The following NBN variants were observed in gnomAD, a reference collection of about 807,000 sequenced individuals.
The protein encoded by NBN is nibrin.
A neutral mutation model predicts 90.8 loss-of-function variants in NBN; 88 were observed. That is an observed-to-expected ratio of 0.97 (90% CI 0.82 to 1.16). The LOEUF (loss-of-function observed/expected upper bound fraction) is 1.16, where lower values mean the gene tolerates loss of function less well. NBN is among the 50% of genes most tolerant of loss of function. NBN has a pLI of 0.00. For missense variants in NBN, 894 were observed against 869.6 expected, an observed-to-expected ratio of 1.03 and a Z score of -0.35; for synonymous variants, 328 against 295.1, an observed-to-expected ratio of 1.11 and a Z score of -1.14.
chr8:89,971,048 A>T, intron 6 of NBN, 125 bp downstream of exon 6: 1 of 1,051,804 alleles, frequency 9.5e-7, no homozygotes, highest in Admixed American at 2.5e-5. Context: ...GGGTTTTTTT[A>T]TTCTACTTCA....
At chr8:89,983,802 C>G (rs915405165) in intron 1 of NBN, among the ~76,000 whole-genome samples, 2 of 152,044 alleles carry the variant, frequency 1.3e-5, no homozygotes, top group African/African-American at 4.8e-5. Flanking sequence ...AGAGCCAGGT[C>G]TCCAGGGACG....
chr8:89,934,770 C>G lies in NBN; in HGVS notation c.*812G>C, dbSNP rs1809587194. 4.3e-6 allele frequency: 1 copy of G among 232,972 alleles called. No homozygotes were observed. The highest frequency in any genetic ancestry group is 2.2e-5 in the African/African-American group (1 of 45,324). The allele number at this position is 232,972 out of a possible 1,614,324, so 14.4% of individuals were successfully genotyped here. A position where few individuals can be genotyped will look rare whatever the true frequency, so the allele number is the denominator to read the frequency against. ...GAAAAAAGACATTCATTGTTTCTTA[C>G]CATCTCCCTTTAAGGTAGAAAAAGA... On this transcript the variant is annotated 3_prime_UTR_variant, in exon 16 of 16. Coordinates refer to ENST00000265433, the MANE Select transcript of NBN (RefSeq NM_002485.5).
At position 89,968,837 on chromosome 8, in the gene NBN, GT is replaced by G. The variant is rs1811371198; in HGVS notation, c.896+1526del. ...TGATGGCAGGGACTGTGACTATCTTGTTTTTCATTATATTTCCAGTGCCTAA... is the reference window on the plus strand; with the variant it reads ...TGATGGCAGGGACTGTGACTATCTTGTTTTCATTATATTTCCAGTGCCTAA... On this transcript the variant is annotated intron_variant, in intron 7 of 15. Coordinates refer to ENST00000265433, the MANE Select transcript of NBN (RefSeq NM_002485.5). Among the ~76,000 whole-genome samples, 2 of 151,994 alleles carry G rather than the reference GT, an allele frequency of 1.3e-5. 1 individual carries two copies. The highest frequency in any genetic ancestry group is 4.1e-4 in the South Asian group (2 of 4,828).
intron 13 of NBN, among the ~76,000 whole-genome samples, chr8:89,944,911 T>A (rs1810121510): frequency 6.6e-6 from 1 of 152,164 alleles, no homozygotes; most frequent in African/African-American, 2.4e-5. Flanking sequence ...CTCAGACAAA[T>A]TCCTGCATTA....
intron 8 of NBN, among the ~76,000 whole-genome samples, chr8:89,959,570 C>A (rs13312900): frequency 0.012 from 1,775 of 151,778 alleles, 37 homozygotes; most frequent in African/African-American, 0.041. Flanking sequence ...CTGGGCAACA[C>A]TGGGAGACCC....
chr8:89,982,259 G>A lies in NBN; in HGVS notation c.171+463C>T, dbSNP rs1812105771. 7 of 236,578 alleles carry A rather than the reference G, an allele frequency of 3.0e-5. No individual in the cohort carries two copies. In the South Asian group the frequency reaches 3.2e-4, roughly 11 times the overall value. 14.7% of individuals were successfully genotyped at this position (236,578 alleles called of 1,614,324 possible). ...AAATCAATTCCCATTGCAAAAACTT[G>A]TATTATATGAGAAATGCCCGTTTCC... On this transcript the variant is annotated intron_variant, in intron 2 of 15. Transcript: ENST00000265433.
intron 5 of NBN, among the ~76,000 whole-genome samples, chr8:89,972,531 C>T (rs761861358): frequency 6.6e-6 from 1 of 152,160 alleles, no homozygotes; most frequent in Non-Finnish European, 1.5e-5. Context: ...ACTATTTTAA[C>T]TGTTAACAAA....
chr8:89,984,524 C>T lies in NBN; in HGVS notation c.37+1G>A, dbSNP rs574673404. ...CCCCGAGGCTTCCCTTCTGCCCTTACCTCCTGCCGGGCCCGCGGCGGGCAG... is the reference window on the plus strand; with the variant it reads ...CCCCGAGGCTTCCCTTCTGCCCTTATCTCCTGCCGGGCCCGCGGCGGGCAG... On this transcript the variant is annotated splice_donor_variant, in intron 1 of 15. Transcript: ENST00000265433. LOFTEE classifies it high-confidence loss of function. The T allele has an allele frequency of 3.1e-6, 5 of 1,612,984 alleles. No individual in the cohort carries two copies. Among genetic ancestry groups the T allele is most frequent in the African/African-American group, 1.3e-5 (1 of 75,042 alleles).
chr8:89,939,494 C>A (rs887088965), intron 14 of NBN, among the ~76,000 whole-genome samples: 1 of 151,676 alleles, frequency 6.6e-6, no homozygotes, highest in Non-Finnish European at 1.5e-5. Flanking sequence ...ATTCTCTCAA[C>A]TTCTCCCATC....
In NBN at chr8:89,933,718, T is replaced by C; in HGVS notation, c.*1864A>G. On this transcript the variant is annotated 3_prime_UTR_variant, in exon 16 of 16. Coordinates refer to ENST00000265433, the MANE Select transcript of NBN (RefSeq NM_002485.5). ...GGGGTTAAATTGGAGAGAAAAAATATCAAACAAAAGAAAAAAATAAATTTG... is the reference window on the plus strand; with the variant it reads ...GGGGTTAAATTGGAGAGAAAAAATACCAAACAAAAGAAAAAAATAAATTTG... The C allele has an allele frequency of 4.3e-6, 1 of 232,174 alleles. No individual in the cohort carries two copies. Among genetic ancestry groups the C allele is most frequent in the Non-Finnish European group, 8.5e-6 (1 of 117,526 alleles). 14.4% of individuals were successfully genotyped at this position (232,174 alleles called of 1,614,324 possible).
chr8:89,976,429 A>G (rs922214908), intron 5 of NBN, among the ~76,000 whole-genome samples: 4 of 152,208 alleles, frequency 2.6e-5, no homozygotes, highest in Non-Finnish European at 5.9e-5. Context: ...CTTAGGTTAG[A>G]TAACGGGATG....
rs1192556760 is a variant in NBN, at chr8:89,933,808, T to C, written c.*1774A>G. 4.3e-6 allele frequency: 1 copy of C among 232,462 alleles called. No individual in the cohort carries two copies. Among genetic ancestry groups the C allele is most frequent in the Non-Finnish European group, 8.5e-6 (1 of 117,698 alleles). The allele number at this position is 232,462 out of a possible 1,614,324, so 14.4% of individuals were successfully genotyped here. A position where few individuals can be genotyped will look rare whatever the true frequency, so the allele number is the denominator to read the frequency against. On this transcript the variant is annotated 3_prime_UTR_variant, in exon 16 of 16. Coordinates refer to ENST00000265433, the MANE Select transcript of NBN (RefSeq NM_002485.5). ...TAAAGAAAACAGTCAAGCCACAGAC[T>C]AGGTGTAATATCTCAATACATATAT... is the stretch of plus-strand genomic sequence containing the variant.
intron 7 of NBN, among the ~76,000 whole-genome samples, chr8:89,966,504 G>T (rs1811261032): frequency 6.6e-6 from 1 of 152,138 alleles, no homozygotes; most frequent in Non-Finnish European, 1.5e-5. Context: ...AGATATTCAA[G>T]ATCTCTCTAC....
At chr8:89,959,319 A>G (rs1411404970) in intron 8 of NBN, among the ~76,000 whole-genome samples, 4 of 152,218 alleles carry the variant, frequency 2.6e-5, no homozygotes, top group Non-Finnish European at 2.9e-5. Context: ...CCAGAAAACC[A>G]TAATGATTAC....
chr8:89,974,454 C>T (rs1029680920), intron 5 of NBN, among the ~76,000 whole-genome samples: 4 of 152,012 alleles, frequency 2.6e-5, no homozygotes, highest in African/African-American at 9.7e-5. Flanking sequence ...TATTTCAGGC[C>T]AATGTGTCTG....
At chr8:89,935,825 TCAA>T (rs1378893303) in intron 15 of NBN, among the ~76,000 whole-genome samples, 3 of 151,660 alleles carry the variant, frequency 2.0e-5, no homozygotes, top group African/African-American at 7.3e-5. Flanking sequence ...AAAAAAAAAA[TCAA>T]CAATAACAAA....
At chr8:89,969,026 GA>G (rs1173873054) in intron 7 of NBN, among the ~76,000 whole-genome samples, 2 of 152,038 alleles carry the variant, frequency 1.3e-5, no homozygotes, top group African/African-American at 2.4e-5. Context: ...GCCTGTAAGA[GA>G]AAAAAAGAAA....
chr8:89,935,547 G>T lies in NBN; in HGVS notation c.*35C>A. On this transcript the variant is annotated 3_prime_UTR_variant, in exon 16 of 16. Transcript: ENST00000265433. ...TTGGCCTGAAGTAGATGCTTACTAG[G>T]AAGTTTTTCCATGGCTTCTTTTTAA... is the stretch of plus-strand genomic sequence containing the variant. 1.2e-6 allele frequency: 2 copies of T among 1,609,590 alleles called. No homozygotes were observed. Among genetic ancestry groups the T allele is most frequent in the South Asian group, 1.1e-5 (1 of 91,024 alleles).
intron 9 of NBN, among the ~76,000 whole-genome samples, chr8:89,956,839 T>G (rs1810736964): frequency 6.6e-6 from 1 of 152,228 alleles, no homozygotes; most frequent in Non-Finnish European, 1.5e-5. Flanking sequence ...AACAATGGAC[T>G]GCAACATATG....
Sources: gnomAD v4.1 joint callset for allele counts (sites outside exome capture counted in the v4.1 genomes callset) on GRCh38, gnomAD v4.1.1 for gene constraint, MANE v1.5 for transcripts, NCBI Gene and HGNC (gene_info 2026-07-23, HGNC 2026-07-21) for gene names.